Variants in FRY observed in about 807,000 individuals in gnomAD.
The protein encoded by FRY is protein furry homolog.
A neutral mutation model predicts 348.4 loss-of-function variants in FRY; 128 were observed. The ratio of observed to expected loss-of-function variants is 0.37; its 90% CI spans 0.32 to 0.43. FRY has a LOEUF of 0.43. Ranked by LOEUF, FRY falls within the 20% of genes least tolerant of loss-of-function variation. The probability of loss-of-function intolerance (pLI) is 1.00; values close to 1 mark genes in which losing one functional copy is unlikely to be tolerated. For synonymous variants in FRY, 1,370 were observed against 1,374.7 expected (o/e 1.00, Z 0.08); for missense variants, 2,736 against 3,695.2 (o/e 0.74, Z 6.73).
intron 1 of FRY, among the ~76,000 whole-genome samples, chr13:32,036,671 C>T (rs558974430): frequency 1.8e-4 from 28 of 151,628 alleles, no homozygotes; most frequent in Admixed American, 3.9e-4. Flanking sequence ...CAGCAAAGGA[C>T]GCCATATGAC....
chr13:32,269,116 A>G (rs1182526584), intron 55 of FRY, among the ~76,000 whole-genome samples: 1 of 152,208 alleles, frequency 6.6e-6, no homozygotes, highest in Non-Finnish European at 1.5e-5. Flanking sequence ...AATCACCTTC[A>G]GGAAGAGCCA....
In FRY at chr13:32,228,585, T is replaced by C; in HGVS notation, c.5336T>C (p.Val1779Ala). ...AACCTCCCACAGATGACCCAGGAGG[T>C]AGAAGATGTGGACACAGCTGCTGAA... ...SGNLPQMTQE[V>A]EDVDTAAETD... is the part of the protein sequence containing the mutation. Residue 1779 changes from valine to alanine, a missense_variant, in exon 40 of 61, where the codon GTA becomes GCA. Val to Ala is a moderately conservative substitution (Grantham distance 64, BLOSUM62 0). Transcript: ENST00000542859. 2 of 1,614,004 alleles carry C rather than the reference T, an allele frequency of 1.2e-6. No individual in the cohort carries two copies. Among genetic ancestry groups the C allele is most frequent in the Non-Finnish European group, 1.7e-6 (2 of 1,179,954 alleles).
chr13:32,169,803 G>T (rs1881951891), intron 17 of FRY, among the ~76,000 whole-genome samples: 1 of 152,106 alleles, frequency 6.6e-6, no homozygotes, highest in Admixed American at 6.5e-5. Flanking sequence ...TTAAATAAAT[G>T]AATGAATATG....
chr13:32,298,109 T>C lies in FRY; in HGVS notation c.*2649T>C, dbSNP rs2072093083. ...TGTTAAGAAAATGTGCCGATGTTACTGTGAAATAAAGATGCCTGTAATTAA... is the reference window on the plus strand; with the variant it reads ...TGTTAAGAAAATGTGCCGATGTTACCGTGAAATAAAGATGCCTGTAATTAA... On this transcript the variant is annotated 3_prime_UTR_variant, in exon 61 of 61. Coordinates refer to ENST00000542859, the MANE Select transcript of FRY (RefSeq NM_023037.3). 1 of 152,238 alleles carries C rather than the reference T, an allele frequency of 6.6e-6. No homozygotes were observed. The highest frequency in any genetic ancestry group is 2.1e-4 in the South Asian group (1 of 4,832). 9.4% of individuals were successfully genotyped at this position (152,238 alleles called of 1,614,324 possible). A position where few individuals can be genotyped will look rare whatever the true frequency, so the allele number is the denominator to read the frequency against.
At chr13:32,273,513 C>T (rs1453158197) in intron 55 of FRY, among the ~76,000 whole-genome samples, 1 of 152,150 alleles carries the variant, frequency 6.6e-6, no homozygotes, top group Admixed American at 6.5e-5. Context: ...TGAGCCACCG[C>T]GCCCGGCCTA....
intron 28 of FRY, among the ~76,000 whole-genome samples, chr13:32,189,009 A>T (rs1883185444): frequency 6.6e-6 from 1 of 152,064 alleles, no homozygotes; most frequent in African/African-American, 2.4e-5. Context: ...AACTAAGTGA[A>T]TTTTTTCCTC....
chr13:32,106,726 T>G (rs544883974), intron 3 of FRY, among the ~76,000 whole-genome samples: 1 of 152,198 alleles, frequency 6.6e-6, no homozygotes, highest in Non-Finnish European at 1.5e-5. Flanking sequence ...AAATTTTACT[T>G]TGGGTGACTA....
At chr13:32,281,673 C>G (rs528877417) in intron 58 of FRY, among the ~76,000 whole-genome samples, 44 of 152,292 alleles carry the variant, frequency 2.9e-4, no homozygotes, top group Non-Finnish European at 4.4e-4. Flanking sequence ...CAAGCAGTGA[C>G]CAGATGTCCT....
intron 1 of FRY, among the ~76,000 whole-genome samples, chr13:32,063,893 A>G (rs1874087777): frequency 1.3e-5 from 2 of 152,178 alleles, no homozygotes; most frequent in Admixed American, 1.3e-4. Context: ...TCTTGGGTTG[A>G]ATGTAAGGTT....
At position 32,231,272 on chromosome 13, in the gene FRY, T is replaced by C. The variant is rs1433879765; in HGVS notation, c.5499T>C (p.Val1833=). 6.2e-7 allele frequency: 1 copy of C among 1,613,562 alleles called. No homozygotes were observed. The highest frequency in any genetic ancestry group is 8.5e-7 in the Non-Finnish European group (1 of 1,179,568). ...AEQLTNFLRH[V]VSVFKDSKSG... is the part of the protein sequence containing the mutation. Reference sequence around the variant, plus strand: ...AGCTCACTAATTTTCTACGTCACGTTGTATCTGTATTTAAAGATTCCAAAT... The same window carrying C: ...AGCTCACTAATTTTCTACGTCACGTCGTATCTGTATTTAAAGATTCCAAAT... The change falls in exon 41 of 61, where the codon GTT becomes GTC. Residue 1833 remains valine, a synonymous_variant. Coordinates refer to ENST00000542859, the MANE Select transcript of FRY (RefSeq NM_023037.3).
At chr13:32,201,884 C>A in intron 29 of FRY, 57 bp from the exon 30 acceptor site, 2 of 946,162 alleles carry the variant, frequency 2.1e-6, no homozygotes, top group South Asian at 1.3e-5. Context: ...AGGTAACAAT[C>A]TAGCCACTCT....
At chr13:32,121,255 A>G (rs1878632011) in intron 4 of FRY, among the ~76,000 whole-genome samples, 1 of 152,198 alleles carries the variant, frequency 6.6e-6, no homozygotes, top group Non-Finnish European at 1.5e-5. Flanking sequence ...TCTTTTTCGA[A>G]TAATGACTTC....
intron 17 of FRY, among the ~76,000 whole-genome samples, chr13:32,166,630 A>G (rs1441458207): frequency 6.6e-6 from 1 of 151,982 alleles, no homozygotes; most frequent in Non-Finnish European, 1.5e-5. Context: ...ATGAGGAAGA[A>G]CTGAGTGGAA....
At chr13:32,226,111 A>G (rs760190614) in intron 39 of FRY, 137 bp downstream of exon 39, 95 of 713,112 alleles carry the variant, frequency 1.3e-4, no homozygotes, top group Middle Eastern at 3.4e-4. Flanking sequence ...CAACAGTACA[A>G]TAAATACACA....
intron 11 of FRY, among the ~76,000 whole-genome samples, chr13:32,140,881 G>T (rs1880021885): frequency 6.6e-6 from 1 of 152,128 alleles, no homozygotes; most frequent in South Asian, 2.1e-4. Flanking sequence ...TGGAGACATT[G>T]AGTAATATAT....
intron 16 of FRY, 84 bp from the exon 17 acceptor site, chr13:32,161,060 A>C (rs1881417389): frequency 2.3e-6 from 2 of 887,450 alleles, no homozygotes; most frequent in Admixed American, 3.4e-5. Flanking sequence ...CATGGATTCT[A>C]GTCTTTGTTC....
At chr13:32,240,447 C>G (rs1886441800) in intron 46 of FRY, among the ~76,000 whole-genome samples, 2 of 152,154 alleles carry the variant, frequency 1.3e-5, no homozygotes, top group African/African-American at 2.4e-5. Context: ...ATCTAATTAT[C>G]AAAGCATACA....
chr13:32,090,176 G>A (rs898941440), intron 2 of FRY, among the ~76,000 whole-genome samples: 3 of 151,318 alleles, frequency 2.0e-5, no homozygotes, highest in Non-Finnish European at 4.4e-5. Flanking sequence ...GTGGAACCCC[G>A]TCTCTACTAA....
At chr13:32,243,681 TA>T (rs1189777253) in intron 46 of FRY, among the ~76,000 whole-genome samples, 1 of 152,212 alleles carries the variant, frequency 6.6e-6, no homozygotes, top group Non-Finnish European at 1.5e-5. Flanking sequence ...TAGGTGTTTT[TA>T]AATATTTCCT....
Sources: gnomAD v4.1 joint callset for allele counts (sites outside exome capture counted in the v4.1 genomes callset) on GRCh38, gnomAD v4.1.1 for gene constraint, MANE v1.5 for transcripts, NCBI Gene and HGNC (gene_info 2026-07-23, HGNC 2026-07-21) for gene names.